RBM24: variants seen among roughly 807,000 people sequenced by gnomAD.
RBM24 encodes the protein RNA-binding protein 24.
In RBM24, 5 loss-of-function variants were observed where a neutral mutation model predicts 23.6. The ratio of observed to expected loss-of-function variants is 0.21; its 90% CI spans 0.11 to 0.45. The LOEUF (loss-of-function observed/expected upper bound fraction) is 0.45, where lower values mean the gene tolerates loss of function less well. RBM24 is among the 20% of genes least tolerant of loss of function. The pLI is 0.99. For synonymous variants in RBM24, 151 were observed against 129.5 expected, an observed-to-expected ratio of 1.17 and a Z score of -1.13; for missense variants, 252 against 314.6, an observed-to-expected ratio of 0.80 and a Z score of 1.51.
At chr6:17,289,907 T>G in intron 3 of RBM24, 2 of 1,271,398 alleles carry the variant, frequency 1.6e-6, no homozygotes, top group Non-Finnish European at 2.0e-6. Flanking sequence ...AAGCCACACC[T>G]GTTGTTGCGA....
At chr6:17,286,606 G>A (rs1446327920) in intron 3 of RBM24, among the ~76,000 whole-genome samples, 1 of 152,222 alleles carries the variant, frequency 6.6e-6, no homozygotes, top group Non-Finnish European at 1.5e-5. Flanking sequence ...ACTTGGTATT[G>A]TTTCAAGTAC....
At chr6:17,291,654 A>G (rs1303205336) in intron 3 of RBM24, 102 bp from the exon 4 acceptor site, 1 of 1,275,192 alleles carries the variant, frequency 7.8e-7, no homozygotes, top group Non-Finnish European at 1.1e-6. Context: ...TGGCAACCCT[A>G]TGCTCATAAT....
Position 17,292,040 on chromosome 6 carries a change from C to G in RBM24, c.632C>G (p.Ala211Gly). The part of the protein sequence containing the change: ...ITAAAPGTAA[A>G]AAAAAAAAAA... ...GCAGCGGCACCTGGGACAGCTGCCG[C>G]CGCCGCTGCAGCAGCTGCTGCCGCT... The change falls in exon 4 of 4, where the codon GCC becomes GGC. Residue 211 changes from alanine to glycine, a missense_variant. By Grantham distance (60) the Ala-to-Gly change is moderately conservative. Coordinates refer to ENST00000379052, the MANE Select transcript of RBM24 (RefSeq NM_001143942.2). 2 of 1,597,778 alleles carry G rather than the reference C, an allele frequency of 1.3e-6. No homozygotes were observed. Among genetic ancestry groups the G allele is most frequent in the Non-Finnish European group, 1.7e-6 (2 of 1,176,400 alleles).
At chr6:17,286,204 T>TTC (rs1488657890) in intron 3 of RBM24, among the ~76,000 whole-genome samples, 1 of 151,422 alleles carries the variant, frequency 6.6e-6, no homozygotes, top group African/African-American at 2.4e-5. Flanking sequence ...TTTTTTTTTT[T>TTC]TTAGCTGTGG....
chr6:17,288,654 A>G (rs748176938), intron 3 of RBM24: 2 of 984,512 alleles, frequency 2.0e-6, no homozygotes, highest in Non-Finnish European at 2.4e-6. Context: ...TTCAGCAGGT[A>G]GAGACAGTGT....
rs367569944 is a variant in RBM24 at position 17,292,038 on chromosome 6, C to G, written c.630C>G (p.Ala210=). 3.1e-6 allele frequency: 5 copies of G among 1,596,450 alleles called. No homozygotes were observed. The African/African-American group carries it at 6.7e-5, about 21-fold the overall frequency. Reference sequence around the variant, plus strand: ...CCGCAGCGGCACCTGGGACAGCTGCCGCCGCCGCTGCAGCAGCTGCTGCCG... The same window carrying G: ...CCGCAGCGGCACCTGGGACAGCTGCGGCCGCCGCTGCAGCAGCTGCTGCCG... ...PITAAAPGTA[A]AAAAAAAAAA... Residue 210 remains alanine, a synonymous_variant, in exon 4 of 4, where the codon GCC becomes GCG. Transcript: ENST00000379052.
rs187417767 is a variant in RBM24 at position 17,287,679 on chromosome 6, G to A, written c.347+2968G>A. Among the ~76,000 whole-genome samples the A allele has an allele frequency of 2.5e-4, 38 of 152,184 alleles. 1 individual carries two copies. The highest frequency in any genetic ancestry group is 2.3e-3 in the Admixed American group (35 of 15,288). On this transcript the variant is annotated intron_variant, in intron 3 of 3. Coordinates refer to ENST00000379052, the MANE Select transcript of RBM24 (RefSeq NM_001143942.2). ...CAAAAAATTAGCTGGGCGTGGTGGT[G>A]GGCGCCTGTAGTCCAGCTACTCGGG... is the stretch of plus-strand genomic sequence containing the variant.
In RBM24 at chr6:17,291,817, G is replaced by C. The variant is rs80303690; in HGVS notation, c.409G>C (p.Val137Leu). 2 of 1,613,900 alleles carry C rather than the reference G, an allele frequency of 1.2e-6. No homozygotes were observed. ...GCAGCCGGGAGTGGTCATTCCACAC[G>C]TCCAGCCGACAGCAGCTGCCGCCTC... The part of the protein sequence containing the change: ...FVQPGVVIPH[V>L]QPTAAAASTT... Residue 137 changes from valine (V) to leucine (L), a missense_variant, in exon 4 of 4, where the codon GTC becomes CTC. Coordinates refer to ENST00000379052, the MANE Select transcript of RBM24 (RefSeq NM_001143942.2).
rs1289525189 is a variant in RBM24 at position 17,281,965 on chromosome 6, C to T, written c.168+216C>T. 2.2e-6 allele frequency: 3 copies of T among 1,368,540 alleles called. No individual in the cohort carries two copies. The highest frequency in any genetic ancestry group is 3.0e-5 in the Admixed American group (1 of 33,376). The allele number at this position is 1,368,540 out of a possible 1,614,324, so 84.8% of individuals were successfully genotyped here. A position where few individuals can be genotyped will look rare whatever the true frequency, so the allele number is the denominator to read the frequency against. ...GAGAAGACCCAGCGCTGTGCGAGGT[C>T]GGGGGCCGGGCAGGGCAGAGCAGGG... On this transcript the variant is annotated intron_variant, in intron 1 of 3. Coordinates refer to ENST00000379052, the MANE Select transcript of RBM24 (RefSeq NM_001143942.2). The surrounding 1 kb of genome is among the most constrained non-coding windows in gnomAD (Gnocchi z 7.1).
chr6:17,286,403 G>C (rs1760199054), intron 3 of RBM24, among the ~76,000 whole-genome samples: 1 of 151,516 alleles, frequency 6.6e-6, no homozygotes, highest in African/African-American at 2.4e-5. Flanking sequence ...ATATCTGAAG[G>C]TGTGATGTGA....
Position 17,293,082 on chromosome 6 carries a change from TTAG to T in RBM24, c.*966_*968del, listed in dbSNP as rs763685749. On this transcript the variant is annotated 3_prime_UTR_variant, in exon 4 of 4. Coordinates refer to ENST00000379052, the MANE Select transcript of RBM24 (RefSeq NM_001143942.2). ...TTCCCTTTTTAAGTAATTTTACACTTTAGTATCTATTTCAGAGTCATATTTAAA... is the reference window on the plus strand; with the variant it reads ...TTCCCTTTTTAAGTAATTTTACACTTTATCTATTTCAGAGTCATATTTAAA... 1.3e-5 allele frequency: 2 copies of T among 152,288 alleles called. No homozygotes were observed. The highest frequency in any genetic ancestry group is 2.9e-5 in the Non-Finnish European group (2 of 68,042). The allele number at this position is 152,288 out of a possible 1,614,324, so 9.4% of individuals were successfully genotyped here.
rs1434250459 is a variant in RBM24 at position 17,281,526 on chromosome 6, G to A, written c.-56G>A. The A allele has an allele frequency of 7.0e-6, 10 of 1,437,524 alleles. No homozygotes were observed. Among genetic ancestry groups the A allele is most frequent in the Non-Finnish European group, 9.1e-6 (10 of 1,095,440 alleles). 89.0% of individuals were successfully genotyped at this position (1,437,524 alleles called of 1,614,324 possible). A position where few individuals can be genotyped will look rare whatever the true frequency, so the allele number is the denominator to read the frequency against. Reference sequence around the variant, plus strand: ...ACGCGGAGCCGGAGGAGGAGGCGCAGCCGCTGCCCGAGCCGCAGCCGCAGC... The same window carrying A: ...ACGCGGAGCCGGAGGAGGAGGCGCAACCGCTGCCCGAGCCGCAGCCGCAGC... On this transcript the variant is annotated 5_prime_UTR_variant, in exon 1 of 4. Transcript: ENST00000379052. The surrounding 1 kb of genome is among the most constrained non-coding windows in gnomAD (Gnocchi z 7.1).
At chr6:17,289,532 C>CT in intron 3 of RBM24, 5 of 985,422 alleles carry the variant, frequency 5.1e-6, no homozygotes, top group Non-Finnish European at 6.0e-6. Flanking sequence ...CCTTGCCTGT[C>CT]TTTTAATGCA....
At chr6:17,287,325 C>T (rs2113404200) in intron 3 of RBM24, among the ~76,000 whole-genome samples, 1 of 152,292 alleles carries the variant, frequency 6.6e-6, no homozygotes, top group Non-Finnish European at 1.5e-5. Context: ...TTAAATGGCC[C>T]CCAGGTGACT....
intron 3 of RBM24, chr6:17,289,744 C>T: frequency 9.5e-7 from 1 of 1,054,312 alleles, no homozygotes; most frequent in African/African-American, 1.7e-5. Flanking sequence ...AGACATTTTA[C>T]CCGCTGGAAA....
In RBM24 at chr6:17,293,335, G is replaced by T. The variant is rs960386836; in HGVS notation, c.*1216G>T. ...CATAAATTATTTAGTAAGTCTAGAT[G>T]TAGCGTATTAAATATTAACCTATTC... On this transcript the variant is annotated 3_prime_UTR_variant, in exon 4 of 4. Coordinates refer to ENST00000379052, the MANE Select transcript of RBM24 (RefSeq NM_001143942.2). 3.3e-5 allele frequency: 5 copies of T among 152,616 alleles called. No individual in the cohort carries two copies. Among genetic ancestry groups the T allele is most frequent in the African/African-American group, 1.2e-4 (5 of 41,452 alleles). The allele number at this position is 152,616 out of a possible 1,614,324, so 9.5% of individuals were successfully genotyped here. A position where few individuals can be genotyped will look rare whatever the true frequency, so the allele number is the denominator to read the frequency against.
rs746976015 is a variant in RBM24, at chr6:17,289,979, T to C, written c.348-1777T>C. The C allele has an allele frequency of 3.9e-6, 5 of 1,289,364 alleles. No individual in the cohort carries two copies. The South Asian group carries it at 6.2e-5, about 16-fold the overall frequency. 79.9% of individuals were successfully genotyped at this position (1,289,364 alleles called of 1,614,324 possible). A position where few individuals can be genotyped will look rare whatever the true frequency, so the allele number is the denominator to read the frequency against. ...TGTGTGCATGACCACGCGCCTGGTT[T>C]CTGACAAGCAGTTAAGAACATCTCT... On this transcript the variant is annotated intron_variant, in intron 3 of 3. Coordinates refer to ENST00000379052, the MANE Select transcript of RBM24 (RefSeq NM_001143942.2).
At chr6:17,289,032 C>T in intron 3 of RBM24, 1 of 985,354 alleles carries the variant, frequency 1.0e-6, no homozygotes, top group Non-Finnish European at 1.2e-6. Context: ...TCAGTGGAAC[C>T]TGAAGAGATG....
chr6:17,282,014 C>G (rs901260487), intron 1 of RBM24: 5 of 1,327,840 alleles, frequency 3.8e-6, no homozygotes, highest in Non-Finnish European at 4.8e-6. Context: ...CCTGTAATGA[C>G]GGCGGGATTT....
Sources: gnomAD v4.1 joint callset for allele counts (sites outside exome capture counted in the v4.1 genomes callset) on GRCh38, gnomAD v4.1.1 for gene constraint, Gnocchi (gnomAD v3.1) non-coding constraint, MANE v1.5 for transcripts, NCBI Gene and HGNC (gene_info 2026-07-23, HGNC 2026-07-21) for gene names.